The following ROBO2 variants were observed in gnomAD, a reference collection of about 807,000 sequenced individuals.
ROBO2 encodes roundabout guidance receptor 2.
In ROBO2, 53 loss-of-function variants were observed where a neutral mutation model predicts 160.8. The observed-to-expected ratio is 0.33, with a 90% CI of 0.26 to 0.41. The LOEUF (loss-of-function observed/expected upper bound fraction) is 0.41, where lower values mean the gene tolerates loss of function less well. Among genes scored for constraint, ROBO2 ranks in the 10% least tolerant of loss-of-function variants. ROBO2 has a pLI of 1.00. For missense variants in ROBO2, 1,577 were observed against 1,722.4 expected, an observed-to-expected ratio of 0.92 and a Z score of 1.49; for synonymous variants, 664 against 611.7, an observed-to-expected ratio of 1.09 and a Z score of -1.26.
At chr3:77,474,024 G>C (rs1250228928) in intron 2 of ROBO2, among the ~76,000 whole-genome samples, 2 of 152,046 alleles carry the variant, frequency 1.3e-5, no homozygotes, top group African/African-American at 4.8e-5. Flanking sequence ...ACCTACCAAA[G>C]AAGAAAACCA....
At chr3:76,215,251 C>T (rs1575916357) in intron 2 of ROBO2, among the ~76,000 whole-genome samples, 1 of 152,140 alleles carries the variant, frequency 6.6e-6, no homozygotes, top group Non-Finnish European at 1.5e-5. Context: ...AAAAATCGAG[C>T]ACCTCTCCTC....
intron 2 of ROBO2, among the ~76,000 whole-genome samples, chr3:76,836,621 A>AT (rs1260002211): frequency 1.3e-5 from 2 of 151,302 alleles, no homozygotes; most frequent in East Asian, 3.9e-4. Flanking sequence ...TTCTCTTTTG[A>AT]TTTTTATTTG....
At chr3:76,692,030 A>G (rs1167701373) in intron 2 of ROBO2, among the ~76,000 whole-genome samples, 1 of 152,116 alleles carries the variant, frequency 6.6e-6, no homozygotes, top group Non-Finnish European at 1.5e-5. Flanking sequence ...TTGTCCCAGG[A>G]GAAATAATTT....
chr3:77,406,333 C>G (rs562539920), intron 2 of ROBO2, among the ~76,000 whole-genome samples: 9 of 152,246 alleles, frequency 5.9e-5, no homozygotes, highest in Admixed American at 2.0e-4. Flanking sequence ...GGTGGGGACA[C>G]AGAGTCAAAC....
intron 2 of ROBO2, among the ~76,000 whole-genome samples, chr3:77,380,323 A>T: frequency 6.6e-6 from 1 of 152,162 alleles, no homozygotes; most frequent in East Asian, 1.9e-4. Flanking sequence ...TGGAAGTATG[A>T]CAGTGTTGAC....
chr3:77,293,420 G>A (rs564649517), intron 2 of ROBO2, among the ~76,000 whole-genome samples: 6 of 148,938 alleles, frequency 4.0e-5, no homozygotes, highest in Non-Finnish European at 5.9e-5. Context: ...ATGGTTAAAC[G>A]GGTAAGCTGA....
intron 2 of ROBO2, among the ~76,000 whole-genome samples, chr3:76,860,916 T>C (rs1325898044): frequency 6.6e-6 from 1 of 152,152 alleles, no homozygotes; most frequent in Non-Finnish European, 1.5e-5. Flanking sequence ...TGTGTGTGTA[T>C]GTGTGTTTGA....
At chr3:76,494,245 A>C (rs1272035059) in intron 2 of ROBO2, among the ~76,000 whole-genome samples, 1 of 152,192 alleles carries the variant, frequency 6.6e-6, no homozygotes, top group African/African-American at 2.4e-5. Flanking sequence ...AAGGGAGGCA[A>C]AATTTTACCT....
At chr3:77,177,221 C>G (rs760008134) in intron 2 of ROBO2, among the ~76,000 whole-genome samples, 4 of 151,946 alleles carry the variant, frequency 2.6e-5, no homozygotes, top group Non-Finnish European at 4.4e-5. Context: ...TCCAAAACCT[C>G]TGAAGATGTT....
chr3:77,194,590 A>G (rs1328452261), intron 2 of ROBO2, among the ~76,000 whole-genome samples: 1 of 152,214 alleles, frequency 6.6e-6, no homozygotes, highest in African/African-American at 2.4e-5. Flanking sequence ...ATTAATTGAC[A>G]TATGTATATT....
chr3:76,525,281 C>A (rs887502769), intron 2 of ROBO2, among the ~76,000 whole-genome samples: 2 of 151,716 alleles, frequency 1.3e-5, no homozygotes, highest in Non-Finnish European at 2.9e-5. Flanking sequence ...AATTGGCTTT[C>A]AATTTTTCCA....
intron 2 of ROBO2, among the ~76,000 whole-genome samples, chr3:75,955,021 G>T (rs572027186): frequency 6.6e-6 from 1 of 151,908 alleles, no homozygotes; most frequent in East Asian, 2.0e-4. Flanking sequence ...GGACGAATGC[G>T]CCTGGGTGGA....
intron 5 of ROBO2, among the ~76,000 whole-genome samples, chr3:77,504,807 A>G (rs958347647): frequency 6.6e-6 from 1 of 152,228 alleles, no homozygotes; most frequent in African/African-American, 2.4e-5. Flanking sequence ...TAACATTATT[A>G]AATAAGGTGA....
chr3:76,673,872 A>G (rs943082843), intron 2 of ROBO2, among the ~76,000 whole-genome samples: 8 of 152,186 alleles, frequency 5.3e-5, no homozygotes, highest in Non-Finnish European at 1.0e-4. Context: ...TCCCTTAATC[A>G]CCAGAAAATC....
At chr3:76,745,325 C>T (rs1161765906) in intron 2 of ROBO2, among the ~76,000 whole-genome samples, 1 of 152,042 alleles carries the variant, frequency 6.6e-6, no homozygotes, top group Non-Finnish European at 1.5e-5. Context: ...AATTTTACTC[C>T]AGGTTCTTTG....
intron 2 of ROBO2, among the ~76,000 whole-genome samples, chr3:77,232,855 C>G (rs2151296504): frequency 6.6e-6 from 1 of 152,250 alleles, no homozygotes; most frequent in South Asian, 2.1e-4. Flanking sequence ...TAGTGCAGTG[C>G]TCAAAAGTGT....
At chr3:75,923,148 T>A (rs553197433) in intron 1 of ROBO2, among the ~76,000 whole-genome samples, 28 of 152,348 alleles carry the variant, frequency 1.8e-4, no homozygotes, top group African/African-American at 6.3e-4. Context: ...GGTTTTTTTT[T>A]AAAACATACA....
At chr3:77,518,562 AT>A (rs2090266031) in intron 5 of ROBO2, among the ~76,000 whole-genome samples, 1 of 151,418 alleles carries the variant, frequency 6.6e-6, no homozygotes, top group Non-Finnish European at 1.5e-5. Flanking sequence ...GCCCTGGGAA[AT>A]GTGTGTTAGC....
At chr3:76,945,223 G>A (rs2078455972) in intron 2 of ROBO2, among the ~76,000 whole-genome samples, 1 of 152,060 alleles carries the variant, frequency 6.6e-6, no homozygotes, top group South Asian at 2.1e-4. Context: ...TAGGGTCCTA[G>A]GTCCTAAGAA....
Sources: gnomAD v4.1 joint callset for allele counts (sites outside exome capture counted in the v4.1 genomes callset) on GRCh38, gnomAD v4.1.1 for gene constraint, MANE v1.5 for transcripts, NCBI Gene and HGNC (gene_info 2026-07-23, HGNC 2026-07-21) for gene names.